Variants in PCBP3 observed in about 807,000 individuals in gnomAD.
PCBP3 encodes poly(rC) binding protein 3.
A neutral mutation model predicts 52.7 loss-of-function variants in PCBP3; 25 were observed. The observed-to-expected ratio is 0.47, with a 90% CI of 0.35 to 0.66. The LOEUF (loss-of-function observed/expected upper bound fraction) is 0.66, where lower values mean the gene tolerates loss of function less well. Ranked by LOEUF, PCBP3 falls within the 30% of genes least tolerant of loss-of-function variation. The pLI is 0.01. For missense variants in PCBP3, 391 were observed against 490.3 expected, an observed-to-expected ratio of 0.80 and a Z score of 1.91; for synonymous variants, 162 against 183.0, an observed-to-expected ratio of 0.89 and a Z score of 0.93.
Position 45,669,803 on chromosome 21 carries a change from GTGTATATATA to G in PCBP3, c.-200+853_-200+862del, listed in dbSNP as rs1385817294. ...AATATTCCATTGTGTGTGTGTGTGT[GTGTATATATA>G]TATATATATATATATATATATATAT... On this transcript the variant is annotated intron_variant, in intron 2 of 17. Coordinates refer to ENST00000681687, the MANE Select transcript of PCBP3 (RefSeq NM_001384156.1). Among the ~76,000 whole-genome samples the G allele has an allele frequency of 3.3e-3, 181 of 54,370 alleles. No individual in the cohort carries two copies. The East Asian group carries it at 0.033, about 10-fold the overall frequency. 35.7% of individuals were successfully genotyped at this position (54,370 alleles called of 152,430 possible). A position where few individuals can be genotyped will look rare whatever the true frequency, so the allele number is the denominator to read the frequency against.
chr21:45,807,640 C>T (rs1374089824), intron 4 of PCBP3, among the ~76,000 whole-genome samples: 3 of 151,644 alleles, frequency 2.0e-5, no homozygotes, highest in Admixed American at 6.6e-5. Flanking sequence ...GTGTTAGCTC[C>T]ATGAAGCTAC....
intron 5 of PCBP3, among the ~76,000 whole-genome samples, chr21:45,875,876 G>A (rs530258793): frequency 2.0e-5 from 3 of 152,252 alleles, no homozygotes; most frequent in South Asian, 2.1e-4. Flanking sequence ...GTTGATTTTC[G>A]GCTGTCTGGA....
chr21:45,646,454 G>A (rs2079320257), intron 1 of PCBP3, among the ~76,000 whole-genome samples: 1 of 144,554 alleles, frequency 6.9e-6, no homozygotes, highest in Non-Finnish European at 1.5e-5. Context: ...GTACCAGTTT[G>A]TTTTAGTTTG....
At chr21:45,909,684 G>GCCC (rs1569484027) in intron 10 of PCBP3, among the ~76,000 whole-genome samples, 198 bp downstream of exon 10, 5 of 147,934 alleles carry the variant, frequency 3.4e-5, no homozygotes, top group African/African-American at 1.3e-4. Context: ...CAGGGACCCA[G>GCCC]CCCACCCACT....
At chr21:45,796,254 C>A (rs1328983262) in intron 4 of PCBP3, among the ~76,000 whole-genome samples, 3 of 152,174 alleles carry the variant, frequency 2.0e-5, no homozygotes, top group Non-Finnish European at 2.9e-5. Flanking sequence ...AAAAAAAAAT[C>A]TATAGGTAAC....
chr21:45,875,107 A>G (rs882668), intron 5 of PCBP3, among the ~76,000 whole-genome samples: 96,175 of 152,158 alleles, frequency 0.63, 30,914 homozygotes, highest in East Asian at 0.84. Context: ...CCAGGCTCCT[A>G]CCTGGCTCAG....
At chr21:45,734,498 C>T (rs753975009) in intron 2 of PCBP3, among the ~76,000 whole-genome samples, 14 of 152,140 alleles carry the variant, frequency 9.2e-5, no homozygotes, top group Non-Finnish European at 1.6e-4. Context: ...CCTGATGAGA[C>T]GGTGCTGCAG....
At chr21:45,886,338 A>G (rs61429947) in intron 5 of PCBP3, among the ~76,000 whole-genome samples, 518 of 16,272 alleles carry the variant, frequency 0.032, 2 homozygotes, top group Middle Eastern at 0.17. Flanking sequence ...GGTGCCAAGG[A>G]CAGAGGACGT....
chr21:45,927,682 G>A (rs1387185502), intron 13 of PCBP3, among the ~76,000 whole-genome samples: 1 of 152,010 alleles, frequency 6.6e-6, no homozygotes, highest in African/African-American at 2.4e-5. Flanking sequence ...TTGTTTGCTA[G>A]TGTGGTCATT....
chr21:45,917,898 G>T lies in PCBP3; in HGVS notation c.717+269G>T. Reference sequence around the variant, plus strand: ...TTTTCCTCCCTCCCACGGGGCCTGGGAGGGAACTGAGACGGGCTCTGTCCC... The same window carrying T: ...TTTTCCTCCCTCCCACGGGGCCTGGTAGGGAACTGAGACGGGCTCTGTCCC... On this transcript the variant is annotated intron_variant, in intron 13 of 17. Transcript: ENST00000681687. The surrounding 1 kb of genome is among the most constrained non-coding windows in gnomAD (Gnocchi z 5.3). 1 of 496,704 alleles carries T rather than the reference G, an allele frequency of 2.0e-6. No individual in the cohort carries two copies. Among genetic ancestry groups the T allele is most frequent in the East Asian group, 4.0e-5 (1 of 24,814 alleles). The allele number at this position is 496,704 out of a possible 1,614,324, so 30.8% of individuals were successfully genotyped here. A position where few individuals can be genotyped will look rare whatever the true frequency, so the allele number is the denominator to read the frequency against.
At chr21:45,666,694 GT>G (rs2080817467) in intron 1 of PCBP3, among the ~76,000 whole-genome samples, 1 of 149,662 alleles carries the variant, frequency 6.7e-6, no homozygotes, top group Non-Finnish European at 1.5e-5. Context: ...AGTTTCTGTG[GT>G]TTCTGGTGAG....
intron 5 of PCBP3, among the ~76,000 whole-genome samples, chr21:45,857,623 C>T (rs2094351476): frequency 6.6e-6 from 1 of 152,212 alleles, no homozygotes; most frequent in Non-Finnish European, 1.5e-5. Flanking sequence ...GCACACCTCA[C>T]TATATCTCCC....
intron 5 of PCBP3, among the ~76,000 whole-genome samples, chr21:45,886,940 T>G (rs2095538551): frequency 6.6e-6 from 1 of 152,050 alleles, no homozygotes; most frequent in African/African-American, 2.4e-5. Context: ...GCTGCGTGGG[T>G]GGGGAGGGGC....
rs936659745 is a variant in PCBP3 at position 45,780,202 on chromosome 21, T to G, written c.-126+24750T>G. ...TTCTTTGTGACCGTGTGATCTTGCG[T>G]GAGGCAATGTTTTCCTAGTTATGAC... is the stretch of plus-strand genomic sequence containing the variant. On this transcript the variant is annotated intron_variant, in intron 4 of 17. Coordinates refer to ENST00000681687, the MANE Select transcript of PCBP3 (RefSeq NM_001384156.1). Among the ~76,000 whole-genome samples, 6 of 152,242 alleles carry G rather than the reference T, an allele frequency of 3.9e-5. 1 individual carries two copies. Among genetic ancestry groups the G allele is most frequent in the Admixed American group, 3.9e-4 (6 of 15,286 alleles).
rs377446632 is a variant in PCBP3 at position 45,924,910 on chromosome 21, G to A, written c.718-5007G>A. ...GTGAACACCGGGAACAGTCGAGTGG[G>A]TAGAAACAGCACACGTAAGGTCGGG... On this transcript the variant is annotated intron_variant, in intron 13 of 17. Coordinates refer to ENST00000681687, the MANE Select transcript of PCBP3 (RefSeq NM_001384156.1). 1.7e-3 allele frequency among the ~76,000 whole-genome samples: 51 copies of A among 30,904 alleles called. 1 individual carries two copies. The highest frequency in any genetic ancestry group is 5.1e-3 in the African/African-American group (20 of 3,938). The allele number at this position is 30,904 out of a possible 152,430, so 20.3% of individuals were successfully genotyped here.
chr21:45,885,620 G>GT (rs1214710754), intron 5 of PCBP3, among the ~76,000 whole-genome samples: 1 of 152,000 alleles, frequency 6.6e-6, no homozygotes, highest in Non-Finnish European at 1.5e-5. Flanking sequence ...ACTTTCTGTT[G>GT]TTTTTTCTCA....
chr21:45,716,729 G>A (rs1276935406), intron 2 of PCBP3, among the ~76,000 whole-genome samples: 1 of 152,134 alleles, frequency 6.6e-6, no homozygotes, highest in Non-Finnish European at 1.5e-5. Flanking sequence ...GTTCAGTCCA[G>A]AACATGCCCA....
At chr21:45,648,372 A>G (rs2079458480) in intron 1 of PCBP3, among the ~76,000 whole-genome samples, 1 of 152,182 alleles carries the variant, frequency 6.6e-6, no homozygotes, top group African/African-American at 2.4e-5. Flanking sequence ...CCAGATAAGC[A>G]TAGTTCTATT....
chr21:45,694,601 T>C (rs2082662649), intron 2 of PCBP3, among the ~76,000 whole-genome samples: 1 of 152,270 alleles, frequency 6.6e-6, no homozygotes, highest in East Asian at 1.9e-4. Flanking sequence ...GAGGAATAAA[T>C]AAATACACAA....
Sources: allele counts gnomAD v4.1 joint callset (sites outside exome capture counted in the v4.1 genomes callset), GRCh38; gene constraint gnomAD v4.1.1; non-coding constraint Gnocchi (gnomAD v3.1); transcripts MANE v1.5; gene names NCBI Gene and HGNC (gene_info 2026-07-23, HGNC 2026-07-21).